Variants in EPHA6 observed in about 807,000 individuals in gnomAD.
The protein encoded by EPHA6 is ephrin type-A receptor 6.
EPHA6 carries 50 observed loss-of-function variants against 112.0 expected under a neutral mutation model. That is an observed-to-expected ratio of 0.45 (90% CI 0.36 to 0.56). The LOEUF is 0.56. EPHA6 is among the 20% of genes least tolerant of loss of function. The pLI is 0.00. For synonymous variants in EPHA6, 529 were observed against 490.7 expected, an observed-to-expected ratio of 1.08 and a Z score of -1.03; for missense variants, 1,280 against 1,417.4, an observed-to-expected ratio of 0.90 and a Z score of 1.56.
chr3:97,498,675 C>A (rs965522986), intron 10 of EPHA6, among the ~76,000 whole-genome samples: 1 of 152,144 alleles, frequency 6.6e-6, no homozygotes, highest in African/African-American at 2.4e-5. Flanking sequence ...CAGTGGTCCT[C>A]AACCCCCAGG....
At chr3:97,649,321 G>A (rs540316427) in intron 14 of EPHA6, among the ~76,000 whole-genome samples, 7 of 152,024 alleles carry the variant, frequency 4.6e-5, no homozygotes, top group East Asian at 3.9e-4. Context: ...CAGTATGGGG[G>A]AAACCACCCC....
chr3:97,292,898 C>G (rs972880427), intron 5 of EPHA6, among the ~76,000 whole-genome samples: 4 of 151,872 alleles, frequency 2.6e-5, no homozygotes, highest in African/African-American at 7.3e-5. Context: ...GCGTCCAGCT[C>G]TCAGTGGAGA....
rs558286116 is a variant in EPHA6 at position 96,981,836 on chromosome 3, T to C, written c.451-5494T>C. Among the ~76,000 whole-genome samples the C allele has an allele frequency of 2.8e-3, 431 of 152,302 alleles. 5 individuals carry two copies. The South Asian group carries it at 0.044, about 15-fold the overall frequency. ...ATTTCTTCTAGATTTTCTAGTTTAT[T>C]TGCATAGAGGTGTTTATAGTATTCT... On this transcript the variant is annotated intron_variant, in intron 2 of 17. Coordinates refer to ENST00000389672, the MANE Select transcript of EPHA6 (RefSeq NM_001080448.3).
chr3:97,172,595 G>GT (rs886309042), intron 3 of EPHA6, among the ~76,000 whole-genome samples: 2 of 152,004 alleles, frequency 1.3e-5, no homozygotes, highest in Admixed American at 6.6e-5. Context: ...ATGCCAAATA[G>GT]TTTTTTTGGG....
intron 5 of EPHA6, among the ~76,000 whole-genome samples, chr3:97,375,994 A>G (rs1022010152): frequency 6.6e-6 from 1 of 152,192 alleles, no homozygotes; most frequent in Non-Finnish European, 1.5e-5. Flanking sequence ...TGAGTACAAG[A>G]TGATTTCACA....
intron 3 of EPHA6, among the ~76,000 whole-genome samples, chr3:97,018,933 G>A (rs2044358229): frequency 1.3e-5 from 2 of 152,206 alleles, no homozygotes; most frequent in Admixed American, 1.3e-4. Flanking sequence ...GCTAGAGCAA[G>A]GAGCCCTCTG....
Position 97,747,557 on chromosome 3 carries a change from C to T in EPHA6, c.3263C>T (p.Ser1088Leu), listed in dbSNP as rs760489277. 2 of 1,606,170 alleles carry T rather than the reference C, an allele frequency of 1.2e-6. No homozygotes were observed. The highest frequency in any genetic ancestry group is 2.2e-5 in the South Asian group (2 of 89,840). Residue 1088 changes from serine (S) to leucine (L), a missense_variant, in exon 17 of 18, where the codon TCA becomes TTA. By Grantham distance (145) the Ser-to-Leu change is moderately radical (BLOSUM62 -2). Coordinates refer to ENST00000389672, the MANE Select transcript of EPHA6 (RefSeq NM_001080448.3). ...AAGFTTFDLISRMSIDDIRRI... is the reference protein window; with the variant it reads ...AAGFTTFDLILRMSIDDIRRI... ...GGGTTTACAACATTTGACCTGATTT[C>T]AAGAATGAGCATTGAGTAAGTGATA...
chr3:97,196,188 A>T (rs2077437493), intron 3 of EPHA6, among the ~76,000 whole-genome samples: 2 of 146,342 alleles, frequency 1.4e-5, no homozygotes, highest in African/African-American at 2.5e-5. Flanking sequence ...TTTTGTCTCC[A>T]TTTACTGTGT....
chr3:97,320,712 C>A (rs1021533383), intron 5 of EPHA6, among the ~76,000 whole-genome samples: 1 of 150,804 alleles, frequency 6.6e-6, no homozygotes, highest in Non-Finnish European at 1.5e-5. Flanking sequence ...AGAAATGACA[C>A]TCCTTTGGAC....
intron 10 of EPHA6, among the ~76,000 whole-genome samples, chr3:97,525,803 G>A (rs1157962296): frequency 6.6e-6 from 1 of 152,162 alleles, no homozygotes; most frequent in East Asian, 1.9e-4. Flanking sequence ...GGTCCCATTT[G>A]GTTTCTGGGC....
intron 6 of EPHA6, among the ~76,000 whole-genome samples, chr3:97,427,890 G>C (rs1046732438): frequency 6.6e-6 from 1 of 150,546 alleles, no homozygotes; most frequent in Non-Finnish European, 1.5e-5. Context: ...ACACAAGGAA[G>C]GGAACAATAG....
At chr3:97,344,032 C>T (rs1366952639) in intron 5 of EPHA6, among the ~76,000 whole-genome samples, 1 of 152,148 alleles carries the variant, frequency 6.6e-6, no homozygotes, top group Admixed American at 6.5e-5. Flanking sequence ...CTGTCCTATG[C>T]CTCTCCCATC....
chr3:97,521,661 A>T (rs1272850152), intron 10 of EPHA6, among the ~76,000 whole-genome samples: 1 of 152,148 alleles, frequency 6.6e-6, no homozygotes, highest in African/African-American at 2.4e-5. Flanking sequence ...GATTATGGGA[A>T]CTACAATTCA....
intron 5 of EPHA6, among the ~76,000 whole-genome samples, chr3:97,269,157 C>T (rs770756230): frequency 2.6e-5 from 4 of 152,278 alleles, no homozygotes; most frequent in South Asian, 2.1e-4. Flanking sequence ...GATACACATA[C>T]GCCAATTGTC....
At chr3:97,173,434 G>C (rs569119645) in intron 3 of EPHA6, among the ~76,000 whole-genome samples, 70 of 151,812 alleles carry the variant, frequency 4.6e-4, no homozygotes, top group Admixed American at 1.8e-3. Context: ...AGTAAATAAA[G>C]AGACCACTGG....
intron 14 of EPHA6, among the ~76,000 whole-genome samples, chr3:97,640,673 G>A (rs141266117): frequency 0.017 from 2,612 of 152,036 alleles, 103 homozygotes; most frequent in Admixed American, 0.091. Context: ...CTGGCTACTC[G>A]GCAGGCTGAG....
chr3:97,566,236 G>T (rs1441061741), intron 11 of EPHA6, among the ~76,000 whole-genome samples: 1 of 152,068 alleles, frequency 6.6e-6, no homozygotes, highest in Non-Finnish European at 1.5e-5. Context: ...AACTGAACAA[G>T]AACACAGTTA....
intron 10 of EPHA6, among the ~76,000 whole-genome samples, chr3:97,518,727 T>A (rs951014563): frequency 2.0e-5 from 3 of 152,174 alleles, no homozygotes; most frequent in Non-Finnish European, 4.4e-5. Flanking sequence ...ATTTTCCTGA[T>A]AATTAGTGAC....
At chr3:97,253,452 T>C (rs1045876660) in intron 5 of EPHA6, among the ~76,000 whole-genome samples, 1 of 152,234 alleles carries the variant, frequency 6.6e-6, no homozygotes, top group African/African-American at 2.4e-5. Flanking sequence ...TTTTATGCTC[T>C]GCTATATATT....
Sources: gnomAD v4.1 joint callset for allele counts (sites outside exome capture counted in the v4.1 genomes callset) on GRCh38, gnomAD v4.1.1 for gene constraint, MANE v1.5 for transcripts, NCBI Gene and HGNC (gene_info 2026-07-23, HGNC 2026-07-21) for gene names.